TXNDC5: variants seen among roughly 807,000 people sequenced by gnomAD.
TXNDC5 encodes the protein thioredoxin domain-containing protein 5.
Under a neutral mutation model 52.6 loss-of-function variants are expected in TXNDC5, and 44 were observed. The ratio of observed to expected loss-of-function variants is 0.84; its 90% CI spans 0.66 to 1.08. The LOEUF (loss-of-function observed/expected upper bound fraction) is 1.08. TXNDC5 is among the 50% of genes least tolerant of loss of function. The pLI is 0.00. For missense variants in TXNDC5, 600 were observed against 565.5 expected (o/e 1.06, Z -0.62); for synonymous variants, 241 against 234.4 (o/e 1.03, Z -0.26).
At chr6:7,910,192 A>T in intron 1 of TXNDC5, 1 of 973,216 alleles carries the variant, frequency 1.0e-6, no homozygotes, top group Non-Finnish European at 1.2e-6. Flanking sequence ...CGGCCCGCTG[A>T]GCTCACGCCT....
At chr6:7,888,625 G>A (rs1760081969) in intron 7 of TXNDC5, 80 bp downstream of exon 7, 1 of 1,506,526 alleles carries the variant, frequency 6.6e-7, no homozygotes. Flanking sequence ...AAGCATTTGA[G>A]GAGGCCTCTG....
chr6:7,897,075 G>A (rs1301415065), intron 3 of TXNDC5, among the ~76,000 whole-genome samples: 3 of 152,066 alleles, frequency 2.0e-5, no homozygotes. Flanking sequence ...TACTGATGAT[G>A]GAAAAGGTAT....
chr6:7,904,922 G>C (rs1180691591), intron 1 of TXNDC5, among the ~76,000 whole-genome samples, 199 bp from the exon 2 acceptor site: 1 of 152,172 alleles, frequency 6.6e-6, no homozygotes, highest in Non-Finnish European at 1.5e-5. Flanking sequence ...TTCTCAGCAT[G>C]AAATCTTGGC....
At chr6:7,908,197 C>T (rs555909311) in intron 1 of TXNDC5, among the ~76,000 whole-genome samples, 40 of 148,904 alleles carry the variant, frequency 2.7e-4, no homozygotes, top group African/African-American at 5.5e-4. Context: ...GCAGGAGAAT[C>T]GCTTAAACCC....
intron 2 of TXNDC5, among the ~76,000 whole-genome samples, chr6:7,904,351 C>T (rs1018339480): frequency 6.6e-6 from 1 of 152,150 alleles, no homozygotes; most frequent in African/African-American, 2.4e-5. Context: ...CTCTTGCAAA[C>T]ACATTCTCTT....
At chr6:7,899,752 G>GA in intron 2 of TXNDC5, 71 bp from the exon 3 acceptor site, 1 of 1,226,340 alleles carries the variant, frequency 8.2e-7, no homozygotes, top group Non-Finnish European at 1.2e-6. Flanking sequence ...CTCATTTAGT[G>GA]AAACAATCAG....
At chr6:7,907,014 C>G (rs1346835619) in intron 1 of TXNDC5, among the ~76,000 whole-genome samples, 1 of 152,200 alleles carries the variant, frequency 6.6e-6, no homozygotes, top group African/African-American at 2.4e-5. Context: ...GACTGACTGA[C>G]TGGGGCGGTG....
At chr6:7,900,019 C>T (rs557990913) in intron 2 of TXNDC5, 26 of 100,814 alleles carry the variant, frequency 2.6e-4, no homozygotes, top group Middle Eastern at 7.0e-3. Flanking sequence ...TTATGCTTTC[C>T]CGGCTTCAGC....
chr6:7,907,281 C>A (rs1434941562), intron 1 of TXNDC5, among the ~76,000 whole-genome samples: 1 of 151,878 alleles, frequency 6.6e-6, no homozygotes, highest in Non-Finnish European at 1.5e-5. Flanking sequence ...GTTGGGCGTG[C>A]CCTTGCTCCT....
chr6:7,892,298 A>C (rs572035375), intron 4 of TXNDC5, among the ~76,000 whole-genome samples: 1 of 152,242 alleles, frequency 6.6e-6, no homozygotes, highest in African/African-American at 2.4e-5. Context: ...CAGGAAACAG[A>C]GAAATCAGGG....
intron 1 of TXNDC5, among the ~76,000 whole-genome samples, chr6:7,908,886 T>C (rs912302652): frequency 6.6e-6 from 1 of 152,198 alleles, no homozygotes; most frequent in Admixed American, 6.5e-5. Flanking sequence ...CATCGACAGA[T>C]GTATTCCACT....
chr6:7,909,894 G>A (rs1760857485), intron 1 of TXNDC5: 2 of 986,060 alleles, frequency 2.0e-6, no homozygotes, highest in African/African-American at 3.5e-5. Context: ...GGTGGCCGCG[G>A]CAGCAGCAAG....
chr6:7,909,108 T>A (rs408810), intron 1 of TXNDC5, among the ~76,000 whole-genome samples: 94,861 of 151,914 alleles, frequency 0.62, 31,034 homozygotes, highest in African/African-American at 0.82. Context: ...ACAGTGGCCC[T>A]AAAAGTTGAT....
At chr6:7,895,383 C>T (rs1470886918) in intron 3 of TXNDC5, among the ~76,000 whole-genome samples, 181 bp from the exon 4 acceptor site, 1 of 152,206 alleles carries the variant, frequency 6.6e-6, no homozygotes, top group East Asian at 1.9e-4. Context: ...TCGTCAAGCC[C>T]TCTGGAAGCT....
chr6:7,894,352 G>C (rs1760298909), intron 4 of TXNDC5, among the ~76,000 whole-genome samples: 1 of 150,784 alleles, frequency 6.6e-6, no homozygotes, highest in Non-Finnish European at 1.5e-5. Flanking sequence ...ATCCCACCTT[G>C]TTCTCCCCAA....
intron 1 of TXNDC5, among the ~76,000 whole-genome samples, chr6:7,906,521 G>C (rs1211347470): frequency 9.2e-6 from 1 of 108,428 alleles, no homozygotes; most frequent in Non-Finnish European, 1.7e-5. Flanking sequence ...GGGCGATAGA[G>C]CAAGACTCCA....
At chr6:7,899,435 C>T in intron 3 of TXNDC5, 141 bp downstream of exon 3, 3 of 530,790 alleles carry the variant, frequency 5.7e-6, no homozygotes, top group Non-Finnish European at 9.6e-6. Context: ...CAATAAGCTC[C>T]AAAAAAAGTA....
chr6:7,893,087 T>C (rs780506767), intron 4 of TXNDC5, among the ~76,000 whole-genome samples: 1 of 152,242 alleles, frequency 6.6e-6, no homozygotes, highest in African/African-American at 2.4e-5. Context: ...CATCACCCCC[T>C]TGGCTACGGG....
intron 7 of TXNDC5, among the ~76,000 whole-genome samples, chr6:7,887,426 T>G (rs1384454136): frequency 4.0e-5 from 6 of 150,422 alleles, no homozygotes; most frequent in Non-Finnish European, 7.4e-5. Flanking sequence ...CCTCGAGCTC[T>G]GGCCCCGCCC....
Sources: gnomAD v4.1 joint callset for allele counts (sites outside exome capture counted in the v4.1 genomes callset) on GRCh38, gnomAD v4.1.1 for gene constraint, MANE v1.5 for transcripts, NCBI Gene and HGNC (gene_info 2026-07-23, HGNC 2026-07-21) for gene names.